The following SNTG2 variants were observed in gnomAD, a reference collection of about 807,000 sequenced individuals.
SNTG2 encodes the protein gamma-2-syntrophin.
SNTG2 carries 74 observed loss-of-function variants against 70.9 expected under a neutral mutation model. The ratio of observed to expected loss-of-function variants is 1.04; its 90% CI spans 0.86 to 1.27. SNTG2 has a LOEUF of 1.27. Ranked by LOEUF, SNTG2 falls within the 50% of genes most tolerant of loss-of-function variation. The probability of loss-of-function intolerance (pLI) is 0.00; values close to 1 mark genes in which losing one functional copy is unlikely to be tolerated. For synonymous variants in SNTG2, 278 were observed against 273.8 expected (o/e 1.02, Z -0.15); for missense variants, 717 against 690.7 (o/e 1.04, Z -0.43).
chr2:1,031,528 A>ATATATATATATATATTTTTTTTTTTT, intron 1 of SNTG2, among the ~76,000 whole-genome samples: 4 of 59,120 alleles, frequency 6.8e-5, no homozygotes, highest in East Asian at 2.9e-4. Flanking sequence ...ATATATATAT[A>ATATATATATATATATTTTTTTTTTTT]TTTTTTTTTT....
chr2:1,014,694 A>G lies in SNTG2; in HGVS notation c.72+63626A>G, dbSNP rs189611724. ...AGAAGGGTGGTCTGTAGAGGGATTT[A>G]TATGGGCAGAGAGAAGGGTGGTCTG... is the stretch of plus-strand genomic sequence containing the variant. On this transcript the variant is annotated intron_variant, in intron 1 of 16. Coordinates refer to ENST00000308624, the MANE Select transcript of SNTG2 (RefSeq NM_018968.4). Among the ~76,000 whole-genome samples the G allele has an allele frequency of 7.0e-3, 1,016 of 145,808 alleles. 14 individuals carry two copies. The highest frequency in any genetic ancestry group is 0.024 in the African/African-American group (947 of 38,802).
chr2:968,180 G>T (rs60572940), intron 1 of SNTG2, among the ~76,000 whole-genome samples: 11,863 of 151,972 alleles, frequency 0.078, 692 homozygotes, highest in South Asian at 0.2. Context: ...TATGATAAGG[G>T]CTTATTCACA....
intron 13 of SNTG2, among the ~76,000 whole-genome samples, chr2:1,263,526 A>G (rs988012389): frequency 1.3e-5 from 2 of 152,014 alleles, no homozygotes; most frequent in Non-Finnish European, 2.9e-5. Flanking sequence ...AAGGGAACAT[A>G]ATAAGATGAT....
intron 8 of SNTG2, among the ~76,000 whole-genome samples, chr2:1,181,005 G>A (rs1388942562): frequency 6.6e-6 from 1 of 152,062 alleles, no homozygotes; most frequent in Non-Finnish European, 1.5e-5. Context: ...CTCATAGGTG[G>A]GAATTGAACA....
intron 1 of SNTG2, among the ~76,000 whole-genome samples, chr2:980,241 T>C (rs5020134): frequency 0.3 from 46,248 of 152,002 alleles, 7,418 homozygotes; most frequent in Middle Eastern, 0.41. Flanking sequence ...TAGGATCCAG[T>C]GCTCAGTTAC....
Position 1,261,921 on chromosome 2 carries a change from C to T in SNTG2, c.1077+2480C>T, listed in dbSNP as rs536356337. 6.6e-5 allele frequency among the ~76,000 whole-genome samples: 10 copies of T among 152,258 alleles called. No homozygotes were observed. In the South Asian group the frequency reaches 1.0e-3, roughly 16 times the overall value. ...TGGCTGCAAAGCTCATCCCGAATCCCGCTCTATTCCACGTGCTAGAAGCAG... is the reference window on the plus strand; with the variant it reads ...TGGCTGCAAAGCTCATCCCGAATCCTGCTCTATTCCACGTGCTAGAAGCAG... On this transcript the variant is annotated intron_variant, in intron 13 of 16. Coordinates refer to ENST00000308624, the MANE Select transcript of SNTG2 (RefSeq NM_018968.4).
chr2:1,124,585 C>G (rs149510922), intron 4 of SNTG2, among the ~76,000 whole-genome samples: 102 of 152,218 alleles, frequency 6.7e-4, no homozygotes, highest in Non-Finnish European at 1.3e-3. Context: ...CGTGAGCCAC[C>G]GCGCCCGGCC....
At chr2:996,010 G>T (rs554706470) in intron 1 of SNTG2, among the ~76,000 whole-genome samples, 37 of 152,236 alleles carry the variant, frequency 2.4e-4, no homozygotes, top group Middle Eastern at 3.4e-3. Context: ...TTATTTAGTG[G>T]AAGTTATTTT....
chr2:1,190,025 G>A (rs1445573434), intron 8 of SNTG2, among the ~76,000 whole-genome samples: 1 of 151,646 alleles, frequency 6.6e-6, no homozygotes, highest in Non-Finnish European at 1.5e-5. Flanking sequence ...CTCGGGAAAG[G>A]GAAAGACTGT....
At chr2:1,151,678 G>T (rs1400333017) in intron 6 of SNTG2, among the ~76,000 whole-genome samples, 4 of 152,206 alleles carry the variant, frequency 2.6e-5, no homozygotes, top group East Asian at 3.9e-4. Context: ...AAGCCTTTGC[G>T]TCCTGGATTT....
intron 8 of SNTG2, among the ~76,000 whole-genome samples, chr2:1,199,796 T>G (rs555908778): frequency 6.6e-6 from 1 of 152,086 alleles, no homozygotes; most frequent in East Asian, 1.9e-4. Context: ...TATTTAGGAA[T>G]AAGTTTAATC....
chr2:1,161,385 AG>A (rs1437236276), intron 6 of SNTG2: 9 of 10,954 alleles, frequency 8.2e-4, no homozygotes, highest in Non-Finnish European at 2.7e-3. Flanking sequence ...AGAGAGATAG[AG>A]AGAGAGACAG....
chr2:1,176,181 A>C (rs1346896848), intron 8 of SNTG2, among the ~76,000 whole-genome samples: 1 of 152,234 alleles, frequency 6.6e-6, no homozygotes, highest in African/African-American at 2.4e-5. Flanking sequence ...TCAGCTCCAG[A>C]ATAAAGCATC....
chr2:1,098,280 C>A (rs372435427), intron 3 of SNTG2, 28 bp downstream of exon 3: 2 of 1,613,656 alleles, frequency 1.2e-6, no homozygotes, highest in African/African-American at 2.7e-5. Context: ...TCTATTCCTG[C>A]TTTTTATTTT....
At chr2:953,112 G>A (rs6704869) in intron 1 of SNTG2, among the ~76,000 whole-genome samples, 1,627 of 152,232 alleles carry the variant, frequency 0.011, 14 homozygotes, top group African/African-American at 0.037. Flanking sequence ...ATTTGGCCAC[G>A]TTTGAAGGTC....
At chr2:1,331,500 C>G (rs1417451409) in intron 16 of SNTG2, among the ~76,000 whole-genome samples, 6 of 152,196 alleles carry the variant, frequency 3.9e-5, no homozygotes, top group Admixed American at 3.3e-4. Flanking sequence ...GAACCAGGAT[C>G]CCTTGACTTT....
At chr2:982,954 C>T (rs756670370) in intron 1 of SNTG2, among the ~76,000 whole-genome samples, 39 of 151,942 alleles carry the variant, frequency 2.6e-4, no homozygotes, top group Middle Eastern at 3.4e-3. Context: ...ATAGAAGCTG[C>T]GGAGGTAGTG....
chr2:979,461 G>C (rs1661029564), intron 1 of SNTG2, among the ~76,000 whole-genome samples: 1 of 152,188 alleles, frequency 6.6e-6, no homozygotes. Context: ...TGCCCGTCGG[G>C]CTGTGCCCAG....
At chr2:1,065,434 C>G (rs1249307006) in intron 1 of SNTG2, among the ~76,000 whole-genome samples, 1 of 152,142 alleles carries the variant, frequency 6.6e-6, no homozygotes, top group Non-Finnish European at 1.5e-5. Context: ...CCCAAACCTA[C>G]CCCAGCACAC....
Sources: gnomAD v4.1 joint callset for allele counts (sites outside exome capture counted in the v4.1 genomes callset) on GRCh38, gnomAD v4.1.1 for gene constraint, MANE v1.5 for transcripts, NCBI Gene and HGNC (gene_info 2026-07-23, HGNC 2026-07-21) for gene names.